Variants in MAP4K5 observed in about 807,000 individuals in gnomAD.
MAP4K5 encodes the protein mitogen-activated protein kinase kinase kinase kinase 5.
Under a neutral mutation model 135.6 loss-of-function variants are expected in MAP4K5, and 82 were observed. The ratio of observed to expected loss-of-function variants is 0.60; its 90% CI spans 0.51 to 0.73. The LOEUF (loss-of-function observed/expected upper bound fraction) is 0.73, where lower values mean the gene tolerates loss of function less well. Among genes scored for constraint, MAP4K5 ranks in the 30% least tolerant of loss-of-function variants. The probability of loss-of-function intolerance (pLI) is 0.00; values close to 1 mark genes in which losing one functional copy is unlikely to be tolerated. For missense variants in MAP4K5, 907 were observed against 1,010.9 expected (o/e 0.90, Z 1.39); for synonymous variants, 347 against 335.0 (o/e 1.04, Z -0.39).
Position 50,428,440 on chromosome 14 carries a change from GA to G in MAP4K5, c.2326+221del, listed in dbSNP as rs1185257919. Among the ~76,000 whole-genome samples, 3 of 8,210 alleles carry G rather than the reference GA, an allele frequency of 3.7e-4. No individual in the cohort carries two copies. The East Asian group carries it at 0.031, about 86-fold the overall frequency. The allele number at this position is 8,210 out of a possible 152,430, so 5.4% of individuals were successfully genotyped here. ...CCAGCTAATTTTAGTATTTTTAGTAGAGACGGGGTTTCTCTCCATGTTGGCC... is the reference window on the plus strand; with the variant it reads ...CCAGCTAATTTTAGTATTTTTAGTAGGACGGGGTTTCTCTCCATGTTGGCC... On this transcript the variant is annotated intron_variant, in intron 30 of 32. Transcript: ENST00000682126.
rs1285788124 is a variant in MAP4K5, at chr14:50,531,240, A to G, written c.108+702T>C. 2.0e-5 allele frequency among the ~76,000 whole-genome samples: 3 copies of G among 152,328 alleles called. No individual in the cohort carries two copies. In the East Asian group the frequency reaches 5.8e-4, roughly 29 times the overall value. ...CCTAAATTAGGTGTAACTTACTCTCATCGTTTGTCTTAAGTAATACAAAAC... is the reference window on the plus strand; with the variant it reads ...CCTAAATTAGGTGTAACTTACTCTCGTCGTTTGTCTTAAGTAATACAAAAC... On this transcript the variant is annotated intron_variant, in intron 2 of 32. Coordinates refer to ENST00000682126, the MANE Select transcript of MAP4K5 (RefSeq NM_006575.6).
At chr14:50,522,489 A>G (rs2038172321) in intron 2 of MAP4K5, among the ~76,000 whole-genome samples, 1 of 152,214 alleles carries the variant, frequency 6.6e-6, no homozygotes, top group Non-Finnish European at 1.5e-5. Flanking sequence ...GATTTTACCC[A>G]GATGACTTTT....
At chr14:50,449,267 C>T (rs1235613396) in intron 14 of MAP4K5, 2 of 154,804 alleles carry the variant, frequency 1.3e-5, no homozygotes, top group African/African-American at 4.8e-5. Context: ...AATTAAATGT[C>T]ACAATGGCAT....
chr14:50,453,467 T>C (rs1406351646), intron 14 of MAP4K5, among the ~76,000 whole-genome samples: 1 of 152,118 alleles, frequency 6.6e-6, no homozygotes, highest in African/African-American at 2.4e-5. Context: ...AATGACCCCC[T>C]CTGAGTTATT....
At chr14:50,422,172 G>A (rs1425888871) in intron 32 of MAP4K5, among the ~76,000 whole-genome samples, 1 of 151,998 alleles carries the variant, frequency 6.6e-6, no homozygotes, top group Non-Finnish European at 1.5e-5. Flanking sequence ...AGCCCTTCCT[G>A]GAGAAGCAAA....
At chr14:50,509,617 C>T (rs10047860) in intron 2 of MAP4K5, among the ~76,000 whole-genome samples, 143,657 of 152,018 alleles carry the variant, frequency 0.94, 68,392 homozygotes, top group East Asian at 1. Context: ...AAAAAATTAT[C>T]GAATAAAAGT....
intron 1 of MAP4K5, chr14:50,560,416 A>G: frequency 7.3e-7 from 1 of 1,364,062 alleles, no homozygotes; most frequent in South Asian, 1.3e-5. Context: ...CACGGCTGGG[A>G]GACGGGCCGT....
At chr14:50,528,945 G>A (rs940099210) in intron 2 of MAP4K5, among the ~76,000 whole-genome samples, 3 of 152,086 alleles carry the variant, frequency 2.0e-5, no homozygotes, top group Admixed American at 6.6e-5. Flanking sequence ...GGCATACTAA[G>A]GAGTAAATTT....
chr14:50,449,939 T>C (rs1031108362), intron 14 of MAP4K5: 9 of 134,408 alleles, frequency 6.7e-5, no homozygotes, highest in Admixed American at 6.7e-4. Context: ...ATTACTTTTT[T>C]GTTGTTGTTG....
At chr14:50,466,475 C>A in intron 11 of MAP4K5, 108 bp downstream of exon 11, 7 of 391,556 alleles carry the variant, frequency 1.8e-5, no homozygotes, top group East Asian at 5.1e-5. Flanking sequence ...TTTGAGAAAA[C>A]TGCTTAATGT....
chr14:50,512,216 TG>T, intron 2 of MAP4K5, among the ~76,000 whole-genome samples: 1 of 152,262 alleles, frequency 6.6e-6, no homozygotes, highest in Middle Eastern at 3.4e-3. Context: ...ACTAAAAAAT[TG>T]TCTATTAATT....
intron 2 of MAP4K5, among the ~76,000 whole-genome samples, chr14:50,510,468 T>C (rs576327288): frequency 6.6e-5 from 10 of 152,330 alleles, no homozygotes; most frequent in Admixed American, 1.3e-4. Context: ...GCTCTACGCA[T>C]GATCCTTTGA....
At chr14:50,489,112 T>C (rs1006983066) in intron 3 of MAP4K5, among the ~76,000 whole-genome samples, 2 of 152,226 alleles carry the variant, frequency 1.3e-5, no homozygotes, top group Non-Finnish European at 2.9e-5. Context: ...TAAAATCCAC[T>C]AGGTTCAGAG....
At chr14:50,434,283 T>C (rs565465443) in intron 28 of MAP4K5, 111 bp downstream of exon 28, 69 of 748,452 alleles carry the variant, frequency 9.2e-5, no homozygotes, top group African/African-American at 8.8e-4. Flanking sequence ...AAACTATGTT[T>C]TGAATATTTA....
intron 9 of MAP4K5, among the ~76,000 whole-genome samples, chr14:50,470,884 C>T (rs1164159081): frequency 6.6e-6 from 1 of 151,960 alleles, no homozygotes; most frequent in Non-Finnish European, 1.5e-5. Flanking sequence ...ATCTGTATGC[C>T]TCTCTAATAA....
intron 13 of MAP4K5, among the ~76,000 whole-genome samples, chr14:50,461,780 G>A (rs1031386627): frequency 4.6e-5 from 7 of 152,022 alleles, no homozygotes; most frequent in South Asian, 2.1e-4. Flanking sequence ...TTAGCCGAGC[G>A]TGGTAGCAGG....
Position 50,486,165 on chromosome 14 carries a change from T to A in MAP4K5, c.196A>T (p.Ile66Leu). Residue 66 changes from isoleucine (I) to leucine (L), a missense_variant, in exon 4 of 33, where the codon ATA becomes TTA. This residue lies in a region of MAP4K5 where 196 missense variants were observed against 189.3 expected (regional missense o/e 1.04). Coordinates refer to ENST00000682126, the MANE Select transcript of MAP4K5 (RefSeq NM_006575.6). ...GDDFSLIQQE[I>L]FMVKECKHCN... ...TGTTTACATTCTTTAACCATAAATA[T>A]TTCTTGTTGAATCAAAGAAAAATCA... The A allele has an allele frequency of 7.2e-7, 1 of 1,394,636 alleles. No individual in the cohort carries two copies. Among genetic ancestry groups the A allele is most frequent in the Non-Finnish European group, 9.8e-7 (1 of 1,018,804 alleles). 86.4% of individuals were successfully genotyped at this position (1,394,636 alleles called of 1,614,324 possible).
intron 13 of MAP4K5, among the ~76,000 whole-genome samples, chr14:50,458,957 C>T (rs1566654548): frequency 1.3e-5 from 2 of 152,094 alleles, no homozygotes; most frequent in East Asian, 3.9e-4. Flanking sequence ...TACAGGAACC[C>T]ACCACCAAGC....
intron 2 of MAP4K5, among the ~76,000 whole-genome samples, chr14:50,542,196 C>G (rs1368130000): frequency 2.0e-5 from 3 of 148,840 alleles, no homozygotes; most frequent in African/African-American, 7.5e-5. Flanking sequence ...GGGAGTTACC[C>G]TGCATGTTCT....
Sources: allele counts gnomAD v4.1 joint callset (sites outside exome capture counted in the v4.1 genomes callset), GRCh38; gene constraint gnomAD v4.1.1; regional missense constraint gnomAD v4.1.1; transcripts MANE v1.5; gene names NCBI Gene and HGNC (gene_info 2026-07-23, HGNC 2026-07-21).